The following CCDC171 variants were observed in gnomAD, a reference collection of about 807,000 sequenced individuals.
CCDC171 encodes coiled-coil domain containing 171, also known as coiled-coil domain-containing protein 171.
Under a neutral mutation model 168.2 loss-of-function variants are expected in CCDC171, and 177 were observed. The ratio of observed to expected loss-of-function variants is 1.05; its 90% CI spans 0.93 to 1.19. The LOEUF (loss-of-function observed/expected upper bound fraction) is 1.19, where lower values mean the gene tolerates loss of function less well. CCDC171 is among the 50% of genes most tolerant of loss of function. CCDC171 has a pLI of 0.00. For synonymous variants in CCDC171, 687 were observed against 540.8 expected, an observed-to-expected ratio of 1.27 and a Z score of -3.75; for missense variants, 1,991 against 1,539.0, an observed-to-expected ratio of 1.29 and a Z score of -4.91.
At chr9:15,682,434 AC>A in intron 10 of CCDC171, among the ~76,000 whole-genome samples, 1 of 152,130 alleles carries the variant, frequency 6.6e-6, no homozygotes, top group Admixed American at 6.5e-5. Context: ...ATAAATATAA[AC>A]CAGCTAAATT....
intron 25 of CCDC171, among the ~76,000 whole-genome samples, chr9:15,933,151 G>A (rs939711353): frequency 2.6e-5 from 4 of 151,936 alleles, no homozygotes; most frequent in African/African-American, 9.7e-5. Context: ...TGCTGGAATA[G>A]TTTGAGTAGA....
At chr9:15,559,139 T>A (rs564901643) in intron 1 of CCDC171, among the ~76,000 whole-genome samples, 2 of 152,156 alleles carry the variant, frequency 1.3e-5, no homozygotes, top group Admixed American at 6.5e-5. Context: ...TGCTGAGGAG[T>A]GCTTTACTTC....
chr9:16,013,580 T>C (rs981688873), intron 3 of CCDC171, among the ~76,000 whole-genome samples: 64 of 152,246 alleles, frequency 4.2e-4, no homozygotes, highest in African/African-American at 1.5e-3. Context: ...ACGGGGCAAA[T>C]TATTTGCCCT....
chr9:15,623,118 G>A (rs2044639486), intron 6 of CCDC171, 149 bp from the exon 7 acceptor site: 6 of 457,728 alleles, frequency 1.3e-5, no homozygotes, highest in African/African-American at 2.0e-5. Context: ...AACATTGATG[G>A]AAAATATCTA....
At chr9:15,799,165 T>TATATATATATATATAC (rs1323969229) in intron 21 of CCDC171, among the ~76,000 whole-genome samples, 27 of 141,204 alleles carry the variant, frequency 1.9e-4, no homozygotes, top group African/African-American at 6.3e-4. Flanking sequence ...TATATATATA[T>TATATATATATATATAC]ACCATTTTGA....
chr9:16,036,381 A>G (rs1833468675), intron 8 of CCDC171, among the ~76,000 whole-genome samples: 1 of 152,258 alleles, frequency 6.6e-6, no homozygotes, highest in Non-Finnish European at 1.5e-5. Flanking sequence ...ACGGTGGCTC[A>G]CGCCTGTAAT....
intron 7 of CCDC171, among the ~76,000 whole-genome samples, chr9:15,642,522 G>A (rs1189965372): frequency 6.6e-6 from 1 of 151,554 alleles, no homozygotes; most frequent in Non-Finnish European, 1.5e-5. Context: ...TGAGCAGCAT[G>A]TTGATGTTCC....
intron 7 of CCDC171, among the ~76,000 whole-genome samples, chr9:15,654,490 T>C (rs552888959): frequency 3.4e-4 from 52 of 152,344 alleles, no homozygotes; most frequent in Middle Eastern, 6.8e-3. Context: ...GAAAGAAGTA[T>C]AGTCATTTCT....
intron 21 of CCDC171, among the ~76,000 whole-genome samples, chr9:15,793,498 C>T (rs951913309): frequency 1.3e-5 from 2 of 149,834 alleles, no homozygotes; most frequent in African/African-American, 2.5e-5. Flanking sequence ...ACTCTCCACC[C>T]GAAATCAACA....
At chr9:15,970,612 G>A (rs533235198) in intron 25 of CCDC171, among the ~76,000 whole-genome samples, 7 of 151,942 alleles carry the variant, frequency 4.6e-5, no homozygotes, top group African/African-American at 9.7e-5. Context: ...AGATACTGAC[G>A]TCACTTAAGG....
At chr9:15,735,370 TC>T (rs1326185890) in intron 16 of CCDC171, among the ~76,000 whole-genome samples, 1 of 152,248 alleles carries the variant, frequency 6.6e-6, no homozygotes, top group Non-Finnish European at 1.5e-5. Flanking sequence ...GCATTTATGT[TC>T]TTGTTTCTTT....
intron 11 of CCDC171, among the ~76,000 whole-genome samples, chr9:15,699,150 G>T (rs2051468908): frequency 6.6e-6 from 1 of 152,006 alleles, no homozygotes; most frequent in Non-Finnish European, 1.5e-5. Context: ...GATGTGTTCG[G>T]AGTTTCTTCC....
At chr9:15,999,036 C>A (rs1832454359) in intron 3 of CCDC171, among the ~76,000 whole-genome samples, 2 of 151,754 alleles carry the variant, frequency 1.3e-5, no homozygotes, top group African/African-American at 4.8e-5. Context: ...TCAGAGAGAC[C>A]AGCCTGGGCA....
chr9:15,883,961 C>A (rs1281083983), intron 24 of CCDC171, among the ~76,000 whole-genome samples: 3 of 152,160 alleles, frequency 2.0e-5, no homozygotes, highest in Non-Finnish European at 2.9e-5. Flanking sequence ...GTAGGACTGG[C>A]AATAAAGCAG....
the CCDC171 span, among the ~76,000 whole-genome samples, chr9:16,068,036 A>G: frequency 1.3e-5 from 2 of 151,292 alleles, no homozygotes; most frequent in Non-Finnish European, 2.9e-5. Flanking sequence ...TGCAGACGAC[A>G]TGATTGTATA....
chr9:15,728,652 T>C (rs901490341), intron 15 of CCDC171, among the ~76,000 whole-genome samples: 1 of 152,238 alleles, frequency 6.6e-6, no homozygotes, highest in Middle Eastern at 3.4e-3. Flanking sequence ...CTCCAACAAA[T>C]GTTTAAAAAC....
intron 25 of CCDC171, among the ~76,000 whole-genome samples, chr9:15,943,334 T>A (rs1255624939): frequency 6.6e-6 from 1 of 151,998 alleles, no homozygotes; most frequent in Non-Finnish European, 1.5e-5. Flanking sequence ...GATTTAGAAC[T>A]TATGAGACAC....
intron 25 of CCDC171, among the ~76,000 whole-genome samples, chr9:15,942,769 G>C (rs1827874094): frequency 6.6e-6 from 1 of 151,818 alleles, no homozygotes. Flanking sequence ...ATATCCTTAA[G>C]AAGAAAATAC....
intron 7 of CCDC171, among the ~76,000 whole-genome samples, chr9:15,633,940 C>A: frequency 6.6e-6 from 1 of 151,786 alleles, no homozygotes; most frequent in East Asian, 1.9e-4. Flanking sequence ...AACGAAACAC[C>A]GCATATTCTC....
Sources: gnomAD v4.1 joint callset for allele counts (sites outside exome capture counted in the v4.1 genomes callset) on GRCh38, gnomAD v4.1.1 for gene constraint, MANE v1.5 for transcripts, NCBI Gene and HGNC (gene_info 2026-07-23, HGNC 2026-07-21) for gene names.